CDC42BPG: variants seen among roughly 807,000 people sequenced by gnomAD.
CDC42BPG encodes serine/threonine-protein kinase MRCK gamma.
In CDC42BPG, 157 loss-of-function variants were observed where a neutral mutation model predicts 192.2. That is an observed-to-expected ratio of 0.82 (90% CI 0.72 to 0.93). The LOEUF is 0.93. Ranked by LOEUF, CDC42BPG falls within the 40% of genes least tolerant of loss-of-function variation. The pLI is 0.00. For synonymous variants in CDC42BPG, 981 were observed against 918.5 expected (o/e 1.07, Z -1.23); for missense variants, 1,992 against 2,122.1 (o/e 0.94, Z 1.20).
At position 64,840,649 on chromosome 11, in the gene CDC42BPG, C is replaced by A; in HGVS notation, c.337-1G>T. 2 of 1,613,748 alleles carry A rather than the reference C, an allele frequency of 1.2e-6. No homozygotes were observed. The highest frequency in any genetic ancestry group is 1.7e-6 in the Non-Finnish European group (2 of 1,179,998). On this transcript the variant is annotated splice_acceptor_variant, in intron 3 of 36. Transcript: ENST00000342711. LOFTEE classifies it high-confidence loss of function. ...CCCGCTCCTCCCGGAAACAGGCTGT[C>A]TGCAGCAGGTTTGGGGAAGTAAGGG...
chr11:64,830,660 T>C (rs893199838), intron 28 of CDC42BPG, among the ~76,000 whole-genome samples: 8 of 152,186 alleles, frequency 5.3e-5, no homozygotes, highest in Non-Finnish European at 1.2e-4. Flanking sequence ...CAACCTCTCC[T>C]GTGTCTCCCG....
chr11:64,842,117 G>A (rs775587257), intron 1 of CDC42BPG, among the ~76,000 whole-genome samples: 1 of 152,176 alleles, frequency 6.6e-6, no homozygotes, highest in African/African-American at 2.4e-5. Flanking sequence ...TCAGCTGACC[G>A]CCTGGTCCCT....
intron 29 of CDC42BPG, 53 bp from the exon 30 acceptor site, chr11:64,830,123 C>G: frequency 6.2e-7 from 1 of 1,611,558 alleles, no homozygotes; most frequent in Non-Finnish European, 8.5e-7. Context: ...AAGAGTGACC[C>G]ATCCCCATCC....
At chr11:64,831,132 C>T (rs749434690) in intron 28 of CDC42BPG, among the ~76,000 whole-genome samples, 3 of 151,926 alleles carry the variant, frequency 2.0e-5, no homozygotes, top group Non-Finnish European at 4.4e-5. Flanking sequence ...ACAGGAGAAT[C>T]GCTTGAATCT....
rs1275711562 is a variant in CDC42BPG at position 64,838,649 on chromosome 11, C to T, written c.1125+5G>A. 1 of 1,611,506 alleles carries T rather than the reference C, an allele frequency of 6.2e-7. No individual in the cohort carries two copies. On this transcript the variant is annotated splice_donor_5th_base_variant and intron_variant, in intron 8 of 36. Transcript: ENST00000342711. ...TCCCCTCCTGCAGTGGCCTTTGCCA[C>T]TCACTGGATGGTTGAGGGTGTCGTC... is the stretch of plus-strand genomic sequence containing the variant.
At chr11:64,842,701 C>T (rs542892877) in intron 1 of CDC42BPG, among the ~76,000 whole-genome samples, 2 of 152,304 alleles carry the variant, frequency 1.3e-5, no homozygotes, top group South Asian at 2.1e-4. Context: ...TCCCAGATAC[C>T]TCCAGGAAGG....
At position 64,827,602 on chromosome 11, in the gene CDC42BPG, G is replaced by A. The variant is rs770140731; in HGVS notation, c.4075C>T (p.Leu1359Phe). The change falls in exon 32 of 37, where the codon CTC becomes TTC. Residue 1359 changes from leucine (L) to phenylalanine (F), a missense_variant. Around this residue, in one of 2 missense-constraint regions of CDC42BPG, gnomAD observed 336 missense variants for 277.9 expected, o/e 1.21. Coordinates refer to ENST00000342711, the MANE Select transcript of CDC42BPG (RefSeq NM_017525.3). ...QTVPLKKVRP[L>F]NPEGSLFLYG... is the part of the protein sequence containing the mutation. ...AGGAACAGGGAGCCCTCTGGATTGAGGGGCCGCACCTGAGGCAGCAGGCAC... is the reference window on the plus strand; with the variant it reads ...AGGAACAGGGAGCCCTCTGGATTGAAGGGCCGCACCTGAGGCAGCAGGCAC... 20 of 1,609,624 alleles carry A rather than the reference G, an allele frequency of 1.2e-5. No homozygotes were observed. The African/African-American group carries it at 1.7e-4, about 14-fold the overall frequency.
At chr11:64,830,445 C>T (rs1327204130) in intron 28 of CDC42BPG, 189 bp from the exon 29 acceptor site, 1 of 631,314 alleles carries the variant, frequency 1.6e-6, no homozygotes, top group South Asian at 1.8e-5. Context: ...TGGGGTGAGG[C>T]CCATCATCTT....
rs1228621258 is a variant in CDC42BPG at position 64,830,267 on chromosome 11, G to T, written c.3305-11C>A. On this transcript the variant is annotated splice_polypyrimidine_tract_variant and intron_variant, in intron 28 of 36. Coordinates refer to ENST00000342711, the MANE Select transcript of CDC42BPG (RefSeq NM_017525.3). ...CAAGTCGATCCTGGTCTGGTAGAGG[G>T]AGGCAGAGGGTCAGAGGTCAGCAGT... 6.3e-7 allele frequency: 1 copy of T among 1,599,762 alleles called. No homozygotes were observed. Among genetic ancestry groups the T allele is most frequent in the South Asian group, 1.1e-5 (1 of 88,856 alleles).
At position 64,836,705 on chromosome 11, in the gene CDC42BPG, C is replaced by CCGGGGGGGGGGGGG. The variant is rs1192864769; in HGVS notation, c.1384+33_1384+34insCCCCCCCCCCCCCG. ...ACCCGAGCCCAGGTGGGACTCAGCC[C>CCGGGGGGGGGGGGG]TGGGGGGGGGGGGGGGGTGGGCGGA... On this transcript the variant is annotated intron_variant, in intron 11 of 36. Transcript: ENST00000342711. 173 of 353,106 alleles carry CCGGGGGGGGGGGGG rather than the reference C, an allele frequency of 4.9e-4. 56 individuals carry two copies. The highest frequency in any genetic ancestry group is 1.2e-3 in the Admixed American group (14 of 11,300). 21.9% of individuals were successfully genotyped at this position (353,106 alleles called of 1,614,324 possible).
chr11:64,838,348 T>C (rs1441435185), intron 8 of CDC42BPG, among the ~76,000 whole-genome samples, 186 bp from the exon 9 acceptor site: 2 of 152,182 alleles, frequency 1.3e-5, no homozygotes, highest in Non-Finnish European at 2.9e-5. Flanking sequence ...GGAGTTTTCT[T>C]CCTTATACGG....
intron 5 of CDC42BPG, among the ~76,000 whole-genome samples, 175 bp from the exon 6 acceptor site, chr11:64,839,746 G>A (rs1020004177): frequency 1.3e-5 from 2 of 152,168 alleles, no homozygotes; most frequent in Admixed American, 6.5e-5. Context: ...CCACAGGCCA[G>A]AAGGAGGAAG....
At chr11:64,831,476 G>C in intron 28 of CDC42BPG, 29 bp downstream of exon 28, 1 of 1,586,036 alleles carries the variant, frequency 6.3e-7, no homozygotes, top group Admixed American at 1.7e-5. Context: ...GGCCTGAACT[G>C]CTTCCTCCAG....
At position 64,830,067 on chromosome 11, in the gene CDC42BPG, A is replaced by G; in HGVS notation, c.3371T>C (p.Ile1124Thr). The change falls in exon 30 of 37, where the codon ATC becomes ACC. Residue 1124 changes from isoleucine (I) to threonine (T), a missense_variant. Physicochemically the swap from Ile to Thr is moderately conservative, Grantham distance 89. Around this residue, in one of 2 missense-constraint regions of CDC42BPG, gnomAD observed 1,656 missense variants for 1,844.3 expected, o/e 0.90. Coordinates refer to ENST00000342711, the MANE Select transcript of CDC42BPG (RefSeq NM_017525.3). ...GCGCCGGCACTCCCCCACCTGGAAG[A>G]TGTCTGCAGGGTTGGCGAGGGGAGA... Reference protein sequence around the residue: ...LFVIHLRSNDIFQVGECRRVQ... With the variant: ...LFVIHLRSNDTFQVGECRRVQ... 1 of 1,612,556 alleles carries G rather than the reference A, an allele frequency of 6.2e-7. No homozygotes were observed. Among genetic ancestry groups the G allele is most frequent in the Non-Finnish European group, 8.5e-7 (1 of 1,179,394 alleles).
Position 64,832,455 on chromosome 11 carries a change from T to G in CDC42BPG, c.3060A>C (p.Gln1020His). Residue 1020 changes from glutamine to histidine, a missense_variant, in exon 27 of 37, where the codon CAA becomes CAC. Gln to His is a conservative substitution (Grantham distance 24). Coordinates refer to ENST00000342711, the MANE Select transcript of CDC42BPG (RefSeq NM_017525.3). Reference sequence around the variant, plus strand: ...TAAAGATGCGTGGCAGGTCCCTGGATTGGGCATGGATAACATCAGAGGCCA... The same window carrying G: ...TAAAGATGCGTGGCAGGTCCCTGGAGTGGGCATGGATAACATCAGAGGCCA... ...PVLASDVIHAQSRDLPRIFRV... is the reference protein window; with the variant it reads ...PVLASDVIHAHSRDLPRIFRV... The G allele has an allele frequency of 6.2e-7, 1 of 1,614,072 alleles. No individual in the cohort carries two copies. Among genetic ancestry groups the G allele is most frequent in the Non-Finnish European group, 8.5e-7 (1 of 1,180,006 alleles).
chr11:64,833,779 GCT>G lies in CDC42BPG; in HGVS notation c.2522_2523del (p.Glu841AlafsTer34). 6.2e-7 allele frequency: 1 copy of G among 1,614,198 alleles called. No individual in the cohort carries two copies. The highest frequency in any genetic ancestry group is 8.5e-7 in the Non-Finnish European group (1 of 1,180,036). On this transcript the variant is annotated frameshift_variant, in exon 22 of 37. Transcript: ENST00000342711. LOFTEE classifies it high-confidence loss of function. The part of the protein sequence containing the change: ...ISGEATRHGG[E>X]PDLRPEGRRS... ...CGTCGGCCCTCCGGCCTCAGATCTG[GCT>G]CTCCTCCATGCCTTGTGGCCTCTCC...
At chr11:64,840,720 G>C in intron 3 of CDC42BPG, 72 bp from the exon 4 acceptor site, 1 of 1,350,224 alleles carries the variant, frequency 7.4e-7, no homozygotes, top group East Asian at 2.3e-5. Flanking sequence ...CCAGCTCAGG[G>C]GATGGAGAAA....
In CDC42BPG at chr11:64,829,512, C is replaced by T. The variant is rs771014382; in HGVS notation, c.3926G>A (p.Arg1309His). ...IYVDGAGRKS[R>H]GHELLWPAAP... ...TGCTGGCCACAACAGCTCGTGGCCA[C>T]GAGACTTGCGGCCTGCGCCATCCAC... is the stretch of plus-strand genomic sequence containing the variant. Residue 1309 changes from arginine (R) to histidine (H), a missense_variant, in exon 30 of 37, where the codon CGT (arginine) becomes CAT (histidine). Physicochemically the swap from Arg to His is conservative, Grantham distance 29. Coordinates refer to ENST00000342711, the MANE Select transcript of CDC42BPG (RefSeq NM_017525.3). The T allele has an allele frequency of 9.9e-6, 16 of 1,612,826 alleles. No homozygotes were observed. Among genetic ancestry groups the T allele is most frequent in the Middle Eastern group, 1.6e-4 (1 of 6,082 alleles).
chr11:64,842,970 T>C (rs888935613), intron 1 of CDC42BPG, among the ~76,000 whole-genome samples: 1 of 152,018 alleles, frequency 6.6e-6, no homozygotes, highest in African/African-American at 2.4e-5. Flanking sequence ...ATTACAGAAA[T>C]TCATTGTCTC....
Sources: allele counts gnomAD v4.1 joint callset (sites outside exome capture counted in the v4.1 genomes callset), GRCh38; gene constraint gnomAD v4.1.1; regional missense constraint gnomAD v4.1.1; transcripts MANE v1.5; gene names NCBI Gene and HGNC (gene_info 2026-07-23, HGNC 2026-07-21).